CLASP1: variants seen among roughly 807,000 people sequenced by gnomAD.
CLASP1 encodes the protein CLIP-associating protein 1.
A neutral mutation model predicts 192.3 loss-of-function variants in CLASP1; 38 were observed. The ratio of observed to expected loss-of-function variants is 0.20; its 90% CI spans 0.15 to 0.26. The LOEUF (loss-of-function observed/expected upper bound fraction) is 0.26. CLASP1 is among the 10% of genes least tolerant of loss of function. CLASP1 has a pLI of 1.00. For synonymous variants in CLASP1, 691 were observed against 712.8 expected (o/e 0.97, Z 0.49); for missense variants, 1,433 against 1,932.5 (o/e 0.74, Z 4.85).
chr2:121,605,830 C>T (rs1368719266), exon 2 of CLASP1: 3 of 1,614,034 alleles, frequency 1.9e-6, no homozygotes, highest in Middle Eastern at 1.6e-4. Flanking sequence ...CTTGGCCAAC[C>T]TGCAATCGTT....
rs185138083 is a variant in CLASP1 at position 121,393,453 on chromosome 2, G to C, written c.3123+3687C>G. Among the ~76,000 whole-genome samples the C allele has an allele frequency of 1.3e-4, 20 of 152,270 alleles. No homozygotes were observed. In the East Asian group the frequency reaches 3.5e-3, roughly 26 times the overall value. On this transcript the variant is annotated intron_variant, in intron 30 of 39. Coordinates refer to ENST00000263710, the Ensembl canonical transcript of CLASP1. ...TTAGTGTGTTAAATGATCTAGATAA[G>C]AATGGTACTAGTTTTCATACAGTTT...
intron 7 of CLASP1, among the ~76,000 whole-genome samples, chr2:121,510,709 G>A (rs908028013): frequency 3.9e-5 from 6 of 151,944 alleles, no homozygotes; most frequent in African/African-American, 9.7e-5. Flanking sequence ...GAGATGGAGC[G>A]ATTACTTGAG....
intron 8 of CLASP1, 24 bp downstream of exon 8, chr2:121,503,143 G>A: frequency 1.4e-6 from 2 of 1,480,022 alleles, no homozygotes; most frequent in Non-Finnish European, 1.8e-6. Context: ...AAAAGCAAAA[G>A]TAGGGATTGC....
At chr2:121,435,520 C>T (rs375360081) in intron 19 of CLASP1, among the ~76,000 whole-genome samples, 2 of 152,208 alleles carry the variant, frequency 1.3e-5, no homozygotes, top group East Asian at 1.9e-4. Context: ...GTGATCTGCC[C>T]GCCTCAGCCT....
chr2:121,348,539 A>G, exon 38 of CLASP1: 2 of 1,612,204 alleles, frequency 1.2e-6, no homozygotes, highest in Non-Finnish European at 1.7e-6. Flanking sequence ...TGATGTCGAC[A>G]AGGAGCTGCA....
chr2:121,588,262 G>A (rs1180578449), intron 2 of CLASP1, among the ~76,000 whole-genome samples: 1 of 149,344 alleles, frequency 6.7e-6, no homozygotes, highest in Non-Finnish European at 1.5e-5. Flanking sequence ...TTTTAAATAA[G>A]ACAGGTTATG....
intron 37 of CLASP1, among the ~76,000 whole-genome samples, chr2:121,356,333 G>A (rs2065380353): frequency 6.6e-6 from 1 of 152,148 alleles, no homozygotes; most frequent in African/African-American, 2.4e-5. Context: ...GTAGACTGGG[G>A]AAAAACGACC....
At chr2:121,625,832 C>T (rs906502112) in intron 1 of CLASP1, among the ~76,000 whole-genome samples, 1 of 151,876 alleles carries the variant, frequency 6.6e-6, no homozygotes, top group African/African-American at 2.4e-5. Flanking sequence ...TGGCTCACAT[C>T]TGTAATCCCA....
chr2:121,540,291 T>C (rs144598496), intron 2 of CLASP1, among the ~76,000 whole-genome samples: 5 of 152,196 alleles, frequency 3.3e-5, no homozygotes, highest in African/African-American at 1.2e-4. Flanking sequence ...CAATACAAAA[T>C]CTTGTAAGAA....
At chr2:121,583,701 C>T (rs1412220218) in intron 2 of CLASP1, among the ~76,000 whole-genome samples, 1 of 152,090 alleles carries the variant, frequency 6.6e-6, no homozygotes, top group Non-Finnish European at 1.5e-5. Flanking sequence ...TGTTCTTGCT[C>T]ATTTGTATTC....
intron 22 of CLASP1, among the ~76,000 whole-genome samples, chr2:121,420,927 T>A (rs1045946681): frequency 6.6e-6 from 1 of 152,224 alleles, no homozygotes; most frequent in African/African-American, 2.4e-5. Context: ...AATAACAGTA[T>A]GCATAAATTT....
intron 2 of CLASP1, among the ~76,000 whole-genome samples, chr2:121,534,812 G>A (rs1320028200): frequency 6.6e-6 from 1 of 152,128 alleles, no homozygotes; most frequent in Non-Finnish European, 1.5e-5. Context: ...CTGACGTTGA[G>A]CCATTGTGCC....
intron 23 of CLASP1, among the ~76,000 whole-genome samples, chr2:121,415,607 T>C (rs2078443171): frequency 6.6e-6 from 1 of 152,206 alleles, no homozygotes; most frequent in South Asian, 2.1e-4. Flanking sequence ...TACAGTTTCA[T>C]GCAACATACG....
chr2:121,478,410 G>T (rs1470895542), intron 8 of CLASP1, among the ~76,000 whole-genome samples: 1 of 152,008 alleles, frequency 6.6e-6, no homozygotes, highest in East Asian at 1.9e-4. Context: ...AGACCAGCCT[G>T]ACCAACATGG....
chr2:121,515,666 G>A (rs1379491569), exon 7 of CLASP1: 2 of 1,613,356 alleles, frequency 1.2e-6, no homozygotes, highest in Non-Finnish European at 1.7e-6. Context: ...TGCACTCACC[G>A]GGACTGTGGC....
intron 2 of CLASP1, among the ~76,000 whole-genome samples, chr2:121,551,285 C>T (rs968078673): frequency 2.0e-5 from 3 of 152,072 alleles, no homozygotes; most frequent in Admixed American, 6.6e-5. Flanking sequence ...CCTTGAAAAC[C>T]GGCACAAGAC....
chr2:121,645,920 A>G (rs1399907065), intron 1 of CLASP1, among the ~76,000 whole-genome samples: 2 of 152,204 alleles, frequency 1.3e-5, no homozygotes, highest in Non-Finnish European at 2.9e-5. Flanking sequence ...AGCTAGAAAC[A>G]AGCAGTAAAT....
chr2:121,568,528 C>G (rs1195498353), intron 2 of CLASP1, among the ~76,000 whole-genome samples: 1 of 150,912 alleles, frequency 6.6e-6, no homozygotes, highest in Non-Finnish European at 1.5e-5. Context: ...CAGCACTAAG[C>G]AAGTAACACG....
At chr2:121,636,673 T>A (rs2070936832) in intron 1 of CLASP1, among the ~76,000 whole-genome samples, 1 of 151,654 alleles carries the variant, frequency 6.6e-6, no homozygotes, top group Non-Finnish European at 1.5e-5. Context: ...CTCAAAAAAA[T>A]AACAATAATA....
Sources: allele counts gnomAD v4.1 joint callset (sites outside exome capture counted in the v4.1 genomes callset), GRCh38; gene constraint gnomAD v4.1.1; transcripts MANE v1.5; gene names NCBI Gene and HGNC (gene_info 2026-07-23, HGNC 2026-07-21).